DMD: variants seen among roughly 807,000 people sequenced by gnomAD.
The protein encoded by DMD is mutant dystrophin.
A neutral mutation model predicts 330.1 loss-of-function variants in DMD; 63 were observed. The ratio of observed to expected loss-of-function variants is 0.19; its 90% CI spans 0.16 to 0.24. The LOEUF (loss-of-function observed/expected upper bound fraction) is 0.24. DMD is among the 10% of genes least tolerant of loss of function. The probability of loss-of-function intolerance (pLI) is 1.00; values close to 1 mark genes in which losing one functional copy is unlikely to be tolerated. For missense variants in DMD, 3,344 were observed against 2,684.1 expected, an observed-to-expected ratio of 1.25 and a Z score of -5.43; for synonymous variants, 1,223 against 959.8, an observed-to-expected ratio of 1.27 and a Z score of -5.07.
intron 61 of DMD, among the ~76,000 whole-genome samples, chrX:31,341,469 G>A (rs1187121959): frequency 8.9e-6 from 1 of 112,040 alleles, no homozygotes; most frequent in Non-Finnish European, 1.9e-5. Context: ...TCATTTTACA[G>A]CTTTTACTCT....
At chrX:31,940,842 C>T (rs1446436385) in intron 45 of DMD, among the ~76,000 whole-genome samples, 2 of 110,795 alleles carry the variant, frequency 1.8e-5, no homozygotes, top group African/African-American at 6.6e-5. Context: ...CTAAAAACAG[C>T]GAAGAAGTGA....
chrX:32,934,580 A>G (rs769826804), intron 2 of DMD, among the ~76,000 whole-genome samples: 37 of 111,391 alleles, frequency 3.3e-4, no homozygotes, highest in Admixed American at 1.1e-3. Context: ...CTTGCCTCCA[A>G]TTTTTCCCCA....
chrX:32,367,796 T>G (rs761346366), intron 34 of DMD, among the ~76,000 whole-genome samples: 1 of 112,121 alleles, frequency 8.9e-6, no homozygotes, highest in African/African-American at 3.2e-5. Context: ...AAATTAAAAC[T>G]AAAAGATGTT....
At chrX:31,178,614 G>C (rs1344489766) in intron 70 of DMD, 55 bp downstream of exon 70, 1 of 1,173,734 alleles carries the variant, frequency 8.5e-7, no homozygotes, top group African/African-American at 1.7e-5. Context: ...GTTCAGCTGA[G>C]AGGAGTTCAA....
Position 32,880,015 on chromosome X carries a change from C to G in DMD, c.94-30195G>C, listed in dbSNP as rs111738355. On this transcript the variant is annotated intron_variant, in intron 2 of 78. Transcript: ENST00000357033. Reference sequence around the variant, plus strand: ...GCATATAGCCACCAAATGTAACTTTCTAATATGCAAAACATAAAAAAAAAC... The same window carrying G: ...GCATATAGCCACCAAATGTAACTTTGTAATATGCAAAACATAAAAAAAAAC... 4.6e-3 allele frequency among the ~76,000 whole-genome samples: 497 copies of G among 109,121 alleles called. 8 individuals carry two copies. In the East Asian group the frequency reaches 0.069, roughly 15 times the overall value. 94.8% of individuals were successfully genotyped at this position (109,121 alleles called of 115,157 possible).
At chrX:32,373,493 C>A (rs781104141) in intron 34 of DMD, among the ~76,000 whole-genome samples, 2 of 111,518 alleles carry the variant, frequency 1.8e-5, no homozygotes, top group African/African-American at 6.5e-5. Flanking sequence ...AGCACAAAAG[C>A]AGCCAGAAAA....
At chrX:32,420,736 A>T (rs1480126012) in intron 29 of DMD, among the ~76,000 whole-genome samples, 4 of 111,942 alleles carry the variant, frequency 3.6e-5, no homozygotes, top group Admixed American at 1.9e-4. Flanking sequence ...AATATGATGT[A>T]TGGGAAGCAA....
At chrX:32,073,775 C>T (rs1262975600) in intron 44 of DMD, among the ~76,000 whole-genome samples, 1 of 111,183 alleles carries the variant, frequency 9.0e-6, no homozygotes, top group Non-Finnish European at 1.9e-5. Flanking sequence ...GAATTGACAC[C>T]TATATAAATT....
intron 47 of DMD, among the ~76,000 whole-genome samples, chrX:31,886,442 T>C (rs2094155396): frequency 9.0e-6 from 1 of 110,875 alleles, no homozygotes; most frequent in Non-Finnish European, 1.9e-5. Context: ...ATAAAAACAT[T>C]CTCACAAATC....
chrX:33,311,388 T>C (rs188727646), intron 1 of DMD, among the ~76,000 whole-genome samples: 347 of 110,347 alleles, frequency 3.1e-3, no homozygotes, highest in South Asian at 0.014. Flanking sequence ...GATATATTCC[T>C]AGGAGGGTGG....
intron 44 of DMD, among the ~76,000 whole-genome samples, chrX:31,993,678 T>C (rs769611109): frequency 1.9e-4 from 21 of 112,137 alleles, no homozygotes; most frequent in Middle Eastern, 4.6e-3. Flanking sequence ...TTCTGGTTTT[T>C]CATGTGAATC....
At chrX:31,421,881 CTCTT>C (rs2063380092) in intron 60 of DMD, among the ~76,000 whole-genome samples, 2 of 92,524 alleles carry the variant, frequency 2.2e-5, no homozygotes, top group Non-Finnish European at 4.1e-5. Flanking sequence ...CTCTCTCTCT[CTCTT>C]TCTATATATA....
chrX:32,753,545 C>A (rs1234959849), intron 7 of DMD, among the ~76,000 whole-genome samples: 1 of 111,756 alleles, frequency 8.9e-6, no homozygotes, highest in African/African-American at 3.3e-5. Context: ...GGAGTATACT[C>A]CAACCAAGCT....
chrX:31,946,356 A>T (rs1311674131), intron 45 of DMD, among the ~76,000 whole-genome samples: 3 of 112,080 alleles, frequency 2.7e-5, no homozygotes, highest in Non-Finnish European at 5.6e-5. Context: ...TTAGAGAGAA[A>T]AATGGAGAGT....
intron 19 of DMD, among the ~76,000 whole-genome samples, chrX:32,497,769 GTA>G (rs1309668983): frequency 9.0e-6 from 1 of 111,335 alleles, no homozygotes; most frequent in Non-Finnish European, 1.9e-5. Context: ...ATAATCATAT[GTA>G]TATTATTTTA....
intron 28 of DMD, among the ~76,000 whole-genome samples, chrX:32,439,521 A>G (rs1332378727): frequency 8.0e-5 from 9 of 111,874 alleles, no homozygotes; most frequent in African/African-American, 2.6e-4. Context: ...TTTAATGGAT[A>G]CATTATTTTA....
intron 2 of DMD, among the ~76,000 whole-genome samples, chrX:32,879,006 T>TCAAAAAAAAAACAAAAAACAAAAAACAAA (rs2083623302): frequency 1.2e-5 from 1 of 84,188 alleles, no homozygotes; most frequent in Non-Finnish European, 2.3e-5. Flanking sequence ...AGACTACGTC[T>TCAAAAAAAAAACAAAAAACAAAAAACAAA]CAAAAAAAAA....
chrX:32,049,745 C>A (rs1015939697), intron 44 of DMD, among the ~76,000 whole-genome samples: 19 of 111,458 alleles, frequency 1.7e-4, no homozygotes, highest in African/African-American at 5.2e-4. Context: ...CTTGAATGAT[C>A]CAGAAAATTG....
intron 47 of DMD, among the ~76,000 whole-genome samples, chrX:31,886,258 T>TA (rs1167404312): frequency 1.8e-5 from 2 of 111,271 alleles, no homozygotes; most frequent in Admixed American, 9.6e-5. Flanking sequence ...ATGTTACATG[T>TA]AAAAAAATTG....
Sources: allele counts gnomAD v4.1 joint callset (sites outside exome capture counted in the v4.1 genomes callset), GRCh38; gene constraint gnomAD v4.1.1; transcripts MANE v1.5; gene names NCBI Gene and HGNC (gene_info 2026-07-23, HGNC 2026-07-21).